The following ELOVL2 variants were observed in gnomAD, a reference collection of about 807,000 sequenced individuals.
ELOVL2 encodes ELOVL fatty acid elongase 2.
A neutral mutation model predicts 37.7 loss-of-function variants in ELOVL2; 38 were observed. The observed-to-expected ratio is 1.01, with a 90% confidence interval of 0.78 to 1.32. The LOEUF (loss-of-function observed/expected upper bound fraction) is 1.32. ELOVL2 is among the 40% of genes most tolerant of loss of function. ELOVL2 has a pLI of 0.00. For missense variants in ELOVL2, 352 were observed against 363.6 expected, an observed-to-expected ratio of 0.97 and a Z score of 0.26; for synonymous variants, 115 against 122.3, an observed-to-expected ratio of 0.94 and a Z score of 0.40.
In ELOVL2 at chr6:11,023,691, C is replaced by G. The variant is rs143697456; in HGVS notation, c.4-12882G>C. 5.1e-4 allele frequency among the ~76,000 whole-genome samples: 77 copies of G among 152,246 alleles called. 1 individual carries two copies. Among genetic ancestry groups the G allele is most frequent in the African/African-American group, 1.7e-3 (70 of 41,550 alleles). ...TGCTGAATGAAATCTTCAGCACGCG[C>G]TGTTTTGTTTGGCAGGACATTACCA... On this transcript the variant is annotated intron_variant, in intron 1 of 7. Transcript: ENST00000354666.
At chr6:11,023,693 GTT>G (rs1782800804) in intron 1 of ELOVL2, among the ~76,000 whole-genome samples, 1 of 152,182 alleles carries the variant, frequency 6.6e-6, no homozygotes, top group African/African-American at 2.4e-5. Context: ...AGCACGCGCT[GTT>G]TTGTTTGGCA....
At chr6:10,993,728 C>A (rs980863708) in intron 5 of ELOVL2, among the ~76,000 whole-genome samples, 1 of 152,048 alleles carries the variant, frequency 6.6e-6, no homozygotes, top group Non-Finnish European at 1.5e-5. Context: ...GGCTGTGTCT[C>A]CCAGGCTGGA....
Position 10,998,668 on chromosome 6 carries a change from C to T in ELOVL2, c.333+1419G>A, listed in dbSNP as rs1488019861. ...TGATCCTTGTAGTCCTGGATAGCTG[C>T]TTCGCTTTCTCATAGATATCCTGGG... On this transcript the variant is annotated intron_variant, in intron 4 of 7. Coordinates refer to ENST00000354666, the MANE Select transcript of ELOVL2 (RefSeq NM_017770.4). Among the ~76,000 whole-genome samples the T allele has an allele frequency of 3.3e-5, 5 of 152,174 alleles. No individual in the cohort carries two copies. The East Asian group carries it at 7.7e-4, about 23-fold the overall frequency.
chr6:11,035,967 C>T (rs1230440346), intron 1 of ELOVL2, among the ~76,000 whole-genome samples: 1 of 152,170 alleles, frequency 6.6e-6, no homozygotes, highest in East Asian at 1.9e-4. Flanking sequence ...ATTTGCATGT[C>T]TCGAGAGCAA....
chr6:11,010,342 G>T (rs1012861733), intron 2 of ELOVL2, among the ~76,000 whole-genome samples: 9 of 152,088 alleles, frequency 5.9e-5, no homozygotes, highest in Non-Finnish European at 1.2e-4. Context: ...TCTTTAAAGG[G>T]AATTTATCAA....
At position 10,986,258 on chromosome 6, in the gene ELOVL2, T is replaced by C. The variant is rs1043669900; in HGVS notation, c.766-2352A>G. On this transcript the variant is annotated intron_variant, in intron 7 of 7. Coordinates refer to ENST00000354666, the MANE Select transcript of ELOVL2 (RefSeq NM_017770.4). Reference sequence around the variant, plus strand: ...CTTAAGGAGATTTTGGGCTGAGACATGGGGTTTTCTAGATATACAATCATG... The same window carrying C: ...CTTAAGGAGATTTTGGGCTGAGACACGGGGTTTTCTAGATATACAATCATG... Among the ~76,000 whole-genome samples the C allele has an allele frequency of 4.0e-5, 6 of 151,758 alleles. 1 individual carries two copies. Among genetic ancestry groups the C allele is most frequent in the Admixed American group, 2.0e-4 (3 of 15,204 alleles).
In ELOVL2 at chr6:11,044,159, G is replaced by A. The variant is rs1269654928; in HGVS notation, c.3+69C>T. 2 of 1,427,796 alleles carry A rather than the reference G, an allele frequency of 1.4e-6. No individual in the cohort carries two copies. The highest frequency in any genetic ancestry group is 2.8e-5 in the Admixed American group (1 of 35,228). 88.4% of individuals were successfully genotyped at this position (1,427,796 alleles called of 1,614,324 possible). A position where few individuals can be genotyped will look rare whatever the true frequency, so the allele number is the denominator to read the frequency against. On this transcript the variant is annotated intron_variant, in intron 1 of 7. Coordinates refer to ENST00000354666, the MANE Select transcript of ELOVL2 (RefSeq NM_017770.4). The surrounding 1 kb of genome is among the most constrained non-coding windows in gnomAD (Gnocchi z 5.6). ...GCCGGCGCCCGCTCGGCCCTTTCCC[G>A]CCCGGTGCGTGGGTCCAGGAGAGAA...
chr6:10,999,479 G>A (rs929240828), intron 4 of ELOVL2, among the ~76,000 whole-genome samples: 8 of 151,586 alleles, frequency 5.3e-5, no homozygotes, highest in Admixed American at 2.0e-4. Flanking sequence ...GGGTTCAAGC[G>A]ATTCTCCTGG....
chr6:10,997,776 TC>T (rs1456534267), intron 4 of ELOVL2, among the ~76,000 whole-genome samples: 4 of 152,244 alleles, frequency 2.6e-5, no homozygotes, highest in African/African-American at 9.6e-5. Flanking sequence ...GTACGTAATT[TC>T]CGGCTGTTCC....
intron 5 of ELOVL2, among the ~76,000 whole-genome samples, chr6:10,994,540 TTC>T (rs1364637391): frequency 1.3e-5 from 2 of 152,054 alleles, no homozygotes; most frequent in African/African-American, 2.4e-5. Context: ...CTTATTGTAA[TTC>T]TGTTTTTAAA....
rs559101719 is a variant in ELOVL2, at chr6:11,010,489, T to C, written c.67+257A>G. ...CCCGGCTTTGTAGCCAGACAGACACTGGAGGAAAGCATTGCATTTCACTCT... is the reference window on the plus strand; with the variant it reads ...CCCGGCTTTGTAGCCAGACAGACACCGGAGGAAAGCATTGCATTTCACTCT... On this transcript the variant is annotated intron_variant, in intron 2 of 7. Coordinates refer to ENST00000354666, the MANE Select transcript of ELOVL2 (RefSeq NM_017770.4). Among the ~76,000 whole-genome samples, 20 of 152,328 alleles carry C rather than the reference T, an allele frequency of 1.3e-4. No individual in the cohort carries two copies. The East Asian group carries it at 3.5e-3, about 26-fold the overall frequency.
intron 7 of ELOVL2, among the ~76,000 whole-genome samples, chr6:10,986,562 T>C: frequency 6.6e-6 from 1 of 152,100 alleles, no homozygotes; most frequent in South Asian, 2.1e-4. Flanking sequence ...GCATGAAGGG[T>C]TGTTGAATTT....
intron 2 of ELOVL2, among the ~76,000 whole-genome samples, chr6:11,008,888 CA>C (rs1370891060): frequency 6.6e-6 from 1 of 152,174 alleles, no homozygotes; most frequent in African/African-American, 2.4e-5. Flanking sequence ...CCTAAATACT[CA>C]AGTGATTGTT....
rs190563878 is a variant in ELOVL2, at chr6:11,027,022, C to T, written c.4-16213G>A. On this transcript the variant is annotated intron_variant, in intron 1 of 7. Coordinates refer to ENST00000354666, the MANE Select transcript of ELOVL2 (RefSeq NM_017770.4). ...AGTGAGAACACTTAACTGTAATCACCATGTTTTTCGATATATCTCTTGAAC... is the reference window on the plus strand; with the variant it reads ...AGTGAGAACACTTAACTGTAATCACTATGTTTTTCGATATATCTCTTGAAC... 6.6e-5 allele frequency among the ~76,000 whole-genome samples: 10 copies of T among 152,112 alleles called. No individual in the cohort carries two copies. In the East Asian group the frequency reaches 1.9e-3, roughly 29 times the overall value.
At chr6:11,025,644 A>G (rs1388374309) in intron 1 of ELOVL2, among the ~76,000 whole-genome samples, 1 of 152,208 alleles carries the variant, frequency 6.6e-6, no homozygotes, top group Non-Finnish European at 1.5e-5. Context: ...ACACCCATTC[A>G]AAGCCATACA....
rs1196784725 is a variant in ELOVL2, at chr6:10,983,688, T to C, written c.*93A>G. ...GATTTATGAACTCAAAAGAAATTAG[T>C]TTATCCTAAAACATGTAACCTTCAA... is the stretch of plus-strand genomic sequence containing the variant. On this transcript the variant is annotated 3_prime_UTR_variant, in exon 8 of 8. Transcript: ENST00000354666. 1.1e-5 allele frequency: 15 copies of C among 1,356,754 alleles called. No individual in the cohort carries two copies. The highest frequency in any genetic ancestry group is 2.9e-5 in the African/African-American group (2 of 67,988). 84.0% of individuals were successfully genotyped at this position (1,356,754 alleles called of 1,614,324 possible).
intron 5 of ELOVL2, among the ~76,000 whole-genome samples, chr6:10,990,833 A>G (rs1561713269): frequency 6.6e-6 from 1 of 152,240 alleles, no homozygotes; most frequent in African/African-American, 2.4e-5. Flanking sequence ...AACCTTTGAT[A>G]AGACATATTG....
chr6:11,036,654 T>C (rs1322228261), intron 1 of ELOVL2, among the ~76,000 whole-genome samples: 1 of 152,156 alleles, frequency 6.6e-6, no homozygotes, highest in African/African-American at 2.4e-5. Flanking sequence ...TTTCCAAAAG[T>C]CAAGGAAGCT....
Position 10,983,734 on chromosome 6 carries a change from A to T in ELOVL2, c.*47T>A, listed in dbSNP as rs1781986951. 1.9e-6 allele frequency: 3 copies of T among 1,543,044 alleles called. No individual in the cohort carries two copies. In the East Asian group the frequency reaches 6.8e-5, roughly 35 times the overall value. The stretch of plus-strand genomic sequence containing the variant: ...TTCAATTCAGTCTTTGCTTTAAAAC[A>T]AGCCAATCTGTTAGGCTAGTATATG... On this transcript the variant is annotated 3_prime_UTR_variant, in exon 8 of 8. Transcript: ENST00000354666.
Sources: gnomAD v4.1 joint callset for allele counts (sites outside exome capture counted in the v4.1 genomes callset) on GRCh38, gnomAD v4.1.1 for gene constraint, Gnocchi (gnomAD v3.1) non-coding constraint, MANE v1.5 for transcripts, NCBI Gene and HGNC (gene_info 2026-07-23, HGNC 2026-07-21) for gene names.